Variants in ITSN2 observed in about 807,000 individuals in gnomAD.
The protein encoded by ITSN2 is intersectin 2.
ITSN2 carries 156 observed loss-of-function variants against 243.7 expected under a neutral mutation model. The observed-to-expected ratio is 0.64, with a 90% CI of 0.56 to 0.73. ITSN2 has a LOEUF of 0.73. Among genes scored for constraint, ITSN2 ranks in the 30% least tolerant of loss-of-function variants. ITSN2 has a pLI of 0.00. For missense variants in ITSN2, 1,801 were observed against 1,996.1 expected, an observed-to-expected ratio of 0.90 and a Z score of 1.86; for synonymous variants, 703 against 699.9, an observed-to-expected ratio of 1.00 and a Z score of -0.07.
intron 29 of ITSN2, among the ~76,000 whole-genome samples, chr2:24,231,387 A>T (rs1671574420): frequency 1.3e-5 from 2 of 152,222 alleles, no homozygotes; most frequent in Non-Finnish European, 2.9e-5. Flanking sequence ...GAGACAGTAC[A>T]GCAGTGTTGA....
At chr2:24,282,529 G>A (rs944933044) in intron 17 of ITSN2, among the ~76,000 whole-genome samples, 5 of 152,198 alleles carry the variant, frequency 3.3e-5, no homozygotes, top group African/African-American at 1.2e-4. Flanking sequence ...TTGTGATAAG[G>A]AAGGGGGTCT....
rs1320259126 is a variant in ITSN2, at chr2:24,210,854, C to T, written c.4183G>A (p.Gly1395Arg). ...TCCGAGTTTTCCTTCTCCCGAACTC[C>T]CTCATTCACTTGAGAGCACAGCTCC... ...AEELCSQVNE[G>R]VREKENSDRL... Residue 1395 changes from glycine (G) to arginine (R), a missense_variant, in exon 34 of 40, where the codon GGA becomes AGA. By Grantham distance (125) the Gly-to-Arg change is moderately radical (BLOSUM62 -2). Coordinates refer to ENST00000355123, the MANE Select transcript of ITSN2 (RefSeq NM_006277.3). 4.3e-6 allele frequency: 7 copies of T among 1,614,004 alleles called. No individual in the cohort carries two copies. Among genetic ancestry groups the T allele is most frequent in the Non-Finnish European group, 5.9e-6 (7 of 1,180,030 alleles).
At chr2:24,255,272 CACAGT>C (rs1674864461) in intron 23 of ITSN2, among the ~76,000 whole-genome samples, 1 of 152,188 alleles carries the variant, frequency 6.6e-6, no homozygotes, top group African/African-American at 2.4e-5. Flanking sequence ...AAGGGCCTAG[CACAGT>C]GCATGCATAC....
chr2:24,226,785 A>G (rs534149054), intron 29 of ITSN2, among the ~76,000 whole-genome samples: 6 of 152,272 alleles, frequency 3.9e-5, no homozygotes, highest in African/African-American at 1.4e-4. Context: ...AATCAATATT[A>G]CTGTAGAAAA....
intron 31 of ITSN2, among the ~76,000 whole-genome samples, chr2:24,217,075 C>T (rs1420902057): frequency 1.1e-5 from 1 of 90,674 alleles, no homozygotes; most frequent in African/African-American, 4.6e-5. Context: ...GAGAGCGAGA[C>T]TCCGTCTCAA....
intron 17 of ITSN2, among the ~76,000 whole-genome samples, chr2:24,281,023 G>C (rs995540779): frequency 6.6e-6 from 1 of 152,022 alleles, no homozygotes; most frequent in African/African-American, 2.4e-5. Context: ...TATATCAATA[G>C]GGTTTGTTTG....
At chr2:24,359,766 C>A (rs1271955313) in intron 1 of ITSN2, among the ~76,000 whole-genome samples, 3 of 152,280 alleles carry the variant, frequency 2.0e-5, no homozygotes, top group Non-Finnish European at 4.4e-5. Flanking sequence ...GGAACGCGAG[C>A]GGTAGACGCC....
chr2:24,206,416 A>C (rs957803720), intron 37 of ITSN2: 5 of 298,432 alleles, frequency 1.7e-5, no homozygotes, highest in African/African-American at 1.2e-4. Context: ...AGGAAGGTGG[A>C]GATGCAGCTG....
At chr2:24,238,998 C>CA (rs1051487055) in intron 29 of ITSN2, 22 of 152,382 alleles carry the variant, frequency 1.4e-4, no homozygotes, top group African/African-American at 5.3e-4. Context: ...AAAATAAAAA[C>CA]AGATTATCTC....
At chr2:24,294,352 G>A (rs561500834) in intron 14 of ITSN2, among the ~76,000 whole-genome samples, 1 of 152,300 alleles carries the variant, frequency 6.6e-6, no homozygotes, top group East Asian at 1.9e-4. Flanking sequence ...CTTGAGCCTG[G>A]GAGGCAGAAG....
chr2:24,231,610 C>T (rs1228352452), intron 29 of ITSN2, among the ~76,000 whole-genome samples: 2 of 152,142 alleles, frequency 1.3e-5, no homozygotes, highest in Admixed American at 6.5e-5. Flanking sequence ...ATAGGTATGT[C>T]GCACCATAGT....
In ITSN2 at chr2:24,225,730, A is replaced by G. The variant is rs1670969387; in HGVS notation, c.3578-4664T>C. 6.6e-6 allele frequency among the ~76,000 whole-genome samples: 1 copy of G among 152,102 alleles called. No homozygotes were observed. The highest frequency in any genetic ancestry group is 2.4e-5 in the African/African-American group (1 of 41,414). ...CTGTATATCTCACTCGCAGGGCCCC[A>G]GTGCACATTAGCCTATTAGGCAGTG... On this transcript the variant is annotated intron_variant, in intron 29 of 39. Transcript: ENST00000355123. The surrounding 1 kb of genome is among the most constrained non-coding windows in gnomAD (Gnocchi z 4.2).
Position 24,301,250 on chromosome 2 carries a change from C to A in ITSN2, c.996-11G>T. 2 of 1,561,972 alleles carry A rather than the reference C, an allele frequency of 1.3e-6. No homozygotes were observed. Among genetic ancestry groups the A allele is most frequent in the South Asian group, 1.1e-5 (1 of 88,824 alleles). ...ATTTGCTTTCCTCCTCTAAAAAAAT[C>A]AAACAACAAAGTTAGCATCATGTAG... On this transcript the variant is annotated splice_polypyrimidine_tract_variant and intron_variant, in intron 10 of 39. Coordinates refer to ENST00000355123, the MANE Select transcript of ITSN2 (RefSeq NM_006277.3).
At chr2:24,206,100 T>G (rs761389000) in intron 37 of ITSN2, 1 of 302,154 alleles carries the variant, frequency 3.3e-6, no homozygotes. Context: ...GAAGCAAAAC[T>G]CAGGCAGAAA....
In ITSN2 at chr2:24,208,249, T is replaced by G; in HGVS notation, c.4666A>C (p.Lys1556Gln). 3 of 1,612,146 alleles carry G rather than the reference T, an allele frequency of 1.9e-6. No homozygotes were observed. The African/African-American group carries it at 4.0e-5, about 22-fold the overall frequency. Residue 1556 changes from lysine to glutamine, a missense_variant, in exon 37 of 40, where the codon AAA becomes CAA. Around this residue, in one of 5 missense-constraint regions of ITSN2, gnomAD observed 928 missense variants for 1,065.4 expected, o/e 0.87. Transcript: ENST00000355123. The part of the protein sequence containing the change: ...YIDTEKKKRE[K>Q]AYQARSQKTS... ...GGCACCCTGATACCTTGGTAAGCTT[T>G]CTCACGCTTCTTCTTCTCGGTGTCG...
intron 29 of ITSN2, among the ~76,000 whole-genome samples, chr2:24,237,334 G>A (rs1032933638): frequency 8.2e-5 from 12 of 145,916 alleles, no homozygotes; most frequent in Non-Finnish European, 1.6e-4. Context: ...TAAAAATCAT[G>A]AAAATAGCAA....
At chr2:24,301,480 A>G (rs560607257) in intron 10 of ITSN2, among the ~76,000 whole-genome samples, 1 of 151,580 alleles carries the variant, frequency 6.6e-6, no homozygotes, top group East Asian at 1.9e-4. Context: ...TTATCTCTTT[A>G]GTCATTAGCC....
chr2:24,342,210 TATA>T (rs1318282973), intron 1 of ITSN2, among the ~76,000 whole-genome samples: 5 of 151,934 alleles, frequency 3.3e-5, no homozygotes, highest in African/African-American at 1.2e-4. Flanking sequence ...TTTAGAGATA[TATA>T]ATCTTTTTGA....
At chr2:24,303,084 TAAACATC>T (rs1379067008) in intron 9 of ITSN2, among the ~76,000 whole-genome samples, 2 of 152,130 alleles carry the variant, frequency 1.3e-5, no homozygotes, top group East Asian at 3.8e-4. Context: ...TCAATAACAA[TAAACATC>T]TGTTAATATA....
Sources: allele counts gnomAD v4.1 joint callset (sites outside exome capture counted in the v4.1 genomes callset), GRCh38; gene constraint gnomAD v4.1.1; regional missense constraint gnomAD v4.1.1; non-coding constraint Gnocchi (gnomAD v3.1); transcripts MANE v1.5; gene names NCBI Gene and HGNC (gene_info 2026-07-23, HGNC 2026-07-21).